FBXO34: variants seen among roughly 807,000 people sequenced by gnomAD.
FBXO34 encodes F-box protein 34, also known as F-box only protein 34.
In FBXO34, 12 loss-of-function variants were observed where a neutral mutation model predicts 24.5. The observed-to-expected ratio is 0.49, with a 90% CI of 0.31 to 0.79. The LOEUF (loss-of-function observed/expected upper bound fraction) is 0.79, where lower values mean the gene tolerates loss of function less well. Ranked by LOEUF, FBXO34 falls within the 30% of genes least tolerant of loss-of-function variation. FBXO34 has a pLI of 0.04. For synonymous variants in FBXO34, 320 were observed against 311.9 expected, an observed-to-expected ratio of 1.03 and a Z score of -0.27; for missense variants, 823 against 857.7, an observed-to-expected ratio of 0.96 and a Z score of 0.51.
chr14:55,439,617 C>CT, the FBXO34 span, among the ~76,000 whole-genome samples: 1 of 72,628 alleles, frequency 1.4e-5, no homozygotes, highest in African/African-American at 4.5e-5. Context: ...AAAGCAAACC[C>CT]CCCCCCGTCT....
chr14:55,350,064 G>T (rs1884293989), intron 1 of FBXO34, among the ~76,000 whole-genome samples: 2 of 151,308 alleles, frequency 1.3e-5, no homozygotes, highest in African/African-American at 4.9e-5. Flanking sequence ...TTTTCAGGAA[G>T]TTCAGATTTT....
At chr14:55,360,581 A>AT (rs905453097) in intron 3 of FBXO34, among the ~76,000 whole-genome samples, 3 of 151,914 alleles carry the variant, frequency 2.0e-5, no homozygotes, top group Non-Finnish European at 4.4e-5. Flanking sequence ...AAACCCTGGG[A>AT]TTTTTTTGTT....
chr14:55,369,992 T>G, downstream of FBXO34: 4 of 1,471,408 alleles, frequency 2.7e-6, no homozygotes, highest in South Asian at 2.7e-5. Flanking sequence ...ATATGCCATC[T>G]TCCTGAAGGC....
chr14:55,396,773 T>C, the FBXO34 span, among the ~76,000 whole-genome samples: 2 of 152,152 alleles, frequency 1.3e-5, no homozygotes, highest in Non-Finnish European at 2.9e-5. Context: ...GAAGGTTCTA[T>C]AGGACAATTC....
the FBXO34 span, among the ~76,000 whole-genome samples, chr14:55,438,523 C>T: frequency 3.3e-5 from 5 of 152,154 alleles, no homozygotes; most frequent in African/African-American, 9.7e-5. Context: ...CCGCAATTTA[C>T]GCTAAAGCAC....
downstream of FBXO34, among the ~76,000 whole-genome samples, chr14:55,371,790 C>T (rs574432237): frequency 1.6e-4 from 25 of 152,014 alleles, no homozygotes; most frequent in Admixed American, 9.2e-4. Flanking sequence ...GGCGACAGAG[C>T]GAGACTCTGT....
At chr14:55,436,431 C>A in the FBXO34 span, 3 of 875,976 alleles carry the variant, frequency 3.4e-6, no homozygotes, top group South Asian at 3.6e-5. Flanking sequence ...CCATTTAGAA[C>A]TGATAAAACA....
chr14:55,350,570 G>C lies in FBXO34; in HGVS notation c.180G>C (p.Lys60Asn), dbSNP rs756251789. 1.9e-6 allele frequency: 3 copies of C among 1,612,986 alleles called. No homozygotes were observed. In the East Asian group the frequency reaches 6.7e-5, roughly 36 times the overall value. Reference protein sequence around the residue: ...SASLGKASSRKPFGILSPNVL... With the variant: ...SASLGKASSRNPFGILSPNVL... ...CTCTCGGTAAAGCATCATCTCGAAA[G>C]CCATTTGGGATCCTTTCTCCAAATG... Residue 60 changes from lysine (K) to asparagine (N), a missense_variant, in exon 2 of 2, where the codon AAG becomes AAC. Lys to Asn is a moderately conservative substitution (Grantham distance 94). Coordinates refer to ENST00000313833, the MANE Select transcript of FBXO34 (RefSeq NM_017943.4).
the FBXO34 span, chr14:55,433,620 T>C: frequency 6.2e-7 from 1 of 1,608,880 alleles, no homozygotes; most frequent in Non-Finnish European, 8.5e-7. Context: ...GGAGGGATGA[T>C]TCCTCATACC....
chr14:55,429,080 TATAC>T, the FBXO34 span: 2 of 1,382,368 alleles, frequency 1.4e-6, no homozygotes, highest in East Asian at 4.6e-5. Flanking sequence ...TCTTTCAATG[TATAC>T]TATGAAGCTG....
At chr14:55,410,426 A>G in the FBXO34 span, among the ~76,000 whole-genome samples, 1 of 152,188 alleles carries the variant, frequency 6.6e-6, no homozygotes, top group Non-Finnish European at 1.5e-5. Context: ...TATTCTTATA[A>G]CTGGTTTAAT....
intron 1 of FBXO34, among the ~76,000 whole-genome samples, chr14:55,302,729 C>T (rs1882407295): frequency 7.4e-6 from 1 of 134,988 alleles, no homozygotes; most frequent in Non-Finnish European, 1.7e-5. Flanking sequence ...GTGCTAAGTG[C>T]TTACTTACTA....
chr14:55,366,104 A>C (rs1257290825), downstream of FBXO34, among the ~76,000 whole-genome samples: 7 of 152,206 alleles, frequency 4.6e-5, no homozygotes, highest in African/African-American at 1.7e-4. Flanking sequence ...CTGTTGCACA[A>C]AACCAGGTCA....
In FBXO34 at chr14:55,314,034, G is replaced by A. The variant is rs185833674; in HGVS notation, c.-10-36347G>A. Among the ~76,000 whole-genome samples, 4 of 152,198 alleles carry A rather than the reference G, an allele frequency of 2.6e-5. No individual in the cohort carries two copies. The East Asian group carries it at 7.8e-4, about 30-fold the overall frequency. ...TCCTCCTAACTCAGCCTCACAGGCA[G>A]CTAAGACCACAGGCATGCCACCATC... On this transcript the variant is annotated intron_variant, in intron 1 of 1. Transcript: ENST00000313833.
chr14:55,401,282 G>C, the FBXO34 span, among the ~76,000 whole-genome samples: 1 of 150,856 alleles, frequency 6.6e-6, no homozygotes, highest in Non-Finnish European at 1.5e-5. Context: ...TTTCCTTTGA[G>C]GATTATTTAG....
chr14:55,277,830 C>A (rs145784191), intron 1 of FBXO34, among the ~76,000 whole-genome samples: 1 of 152,228 alleles, frequency 6.6e-6, no homozygotes, highest in Non-Finnish European at 1.5e-5. Context: ...GAAGATGCTT[C>A]TTTTGTATAT....
chr14:55,367,244 C>T (rs1359216058), exon 3 of FBXO34: 1 of 152,202 alleles, frequency 6.6e-6, no homozygotes, highest in African/African-American at 2.4e-5. Context: ...AGCTCCAAAT[C>T]CCACTCTTAC....
chr14:55,400,914 AAAAT>A, the FBXO34 span, among the ~76,000 whole-genome samples: 733 of 70,996 alleles, frequency 0.01, 2 homozygotes, highest in Non-Finnish European at 0.016. Flanking sequence ...ATAAATAAAT[AAAAT>A]AAAATAAAAT....
At chr14:55,281,060 T>C (rs1302143316) in intron 1 of FBXO34, among the ~76,000 whole-genome samples, 2 of 152,154 alleles carry the variant, frequency 1.3e-5, no homozygotes, top group Non-Finnish European at 2.9e-5. Flanking sequence ...TAAAAATTAC[T>C]GAAATAGTTT....
Sources: gnomAD v4.1 joint callset for allele counts (sites outside exome capture counted in the v4.1 genomes callset) on GRCh38, gnomAD v4.1.1 for gene constraint, MANE v1.5 for transcripts, NCBI Gene and HGNC (gene_info 2026-07-23, HGNC 2026-07-21) for gene names.